Variants in PREX1 observed in about 807,000 individuals in gnomAD.
The protein encoded by PREX1 is phosphatidylinositol 3,4,5-trisphosphate-dependent Rac exchanger 1 protein.
In PREX1, 41 loss-of-function variants were observed where a neutral mutation model predicts 198.3. The observed-to-expected ratio is 0.21, with a 90% confidence interval of 0.16 to 0.27. The LOEUF (loss-of-function observed/expected upper bound fraction) is 0.27. Among genes scored for constraint, PREX1 ranks in the 10% least tolerant of loss-of-function variants. PREX1 has a pLI of 1.00. For missense variants in PREX1, 1,620 were observed against 2,200.7 expected (o/e 0.74, Z 5.28); for synonymous variants, 843 against 887.2 (o/e 0.95, Z 0.89).
intron 1 of PREX1, among the ~76,000 whole-genome samples, chr20:48,792,634 A>C (rs2122976491): frequency 6.6e-6 from 1 of 152,200 alleles, no homozygotes; most frequent in East Asian, 1.9e-4. Context: ...AAACTTGTAC[A>C]CTCATGTGCA....
chr20:48,698,998 T>A (rs192416552), intron 7 of PREX1, among the ~76,000 whole-genome samples: 61 of 152,108 alleles, frequency 4.0e-4, no homozygotes, highest in African/African-American at 1.4e-3. Context: ...AACCAAACAC[T>A]ACTACAAGGA....
Position 48,699,641 on chromosome 20 carries a change from T to C in PREX1, c.917+1112A>G, listed in dbSNP as rs559044316. ...CCAACCACTTACCCATCCATCAACATGCCAACCAATTGGCCATCCATCTAC... is the reference window on the plus strand; with the variant it reads ...CCAACCACTTACCCATCCATCAACACGCCAACCAATTGGCCATCCATCTAC... On this transcript the variant is annotated intron_variant, in intron 7 of 39. Transcript: ENST00000371941. 2.1e-3 allele frequency among the ~76,000 whole-genome samples: 318 copies of C among 152,206 alleles called. 1 individual carries two copies. The highest frequency in any genetic ancestry group is 3.9e-3 in the Admixed American group (60 of 15,278).
At chr20:48,884,985 G>C in the PREX1 span, among the ~76,000 whole-genome samples, 1 of 152,174 alleles carries the variant, frequency 6.6e-6, no homozygotes, top group African/African-American at 2.4e-5. Context: ...CTGACCACCT[G>C]TGTTGGACCC....
chr20:48,775,766 GT>G (rs1362608393), intron 1 of PREX1, among the ~76,000 whole-genome samples: 2 of 152,200 alleles, frequency 1.3e-5, no homozygotes, highest in East Asian at 3.8e-4. Flanking sequence ...CGCCATCCAT[GT>G]AAAATGTGAC....
rs751701013 is a variant in PREX1, at chr20:48,679,331, G to A, written c.1589+29C>T. 4 of 1,598,132 alleles carry A rather than the reference G, an allele frequency of 2.5e-6. No homozygotes were observed. In the South Asian group the frequency reaches 4.4e-5, roughly 18 times the overall value. On this transcript the variant is annotated intron_variant, in intron 13 of 39. Coordinates refer to ENST00000371941, the MANE Select transcript of PREX1 (RefSeq NM_020820.4). ...CACACAGCTGAGAAGAGGTAGAGGTGAAATTGGAGCTTGGAAAGAGTAACT... is the reference window on the plus strand; with the variant it reads ...CACACAGCTGAGAAGAGGTAGAGGTAAAATTGGAGCTTGGAAAGAGTAACT...
intron 14 of PREX1, among the ~76,000 whole-genome samples, chr20:48,672,258 T>G (rs899955874): frequency 3.3e-5 from 5 of 152,226 alleles, no homozygotes; most frequent in Non-Finnish European, 7.3e-5. Context: ...TTTGGAGTCA[T>G]TCTCTGCTCC....
At position 48,684,621 on chromosome 20, in the gene PREX1, A is replaced by G. The variant is rs1409550767; in HGVS notation, c.1335-3286T>C. Among the ~76,000 whole-genome samples, 1 of 152,130 alleles carries G rather than the reference A, an allele frequency of 6.6e-6. No individual in the cohort carries two copies. The highest frequency in any genetic ancestry group is 1.5e-5 in the Non-Finnish European group (1 of 68,008). The stretch of plus-strand genomic sequence containing the variant: ...GCCCCTGCCAGACACGCCGCGTCAT[A>G]CCTGGTAACCCTGAGCTCCGACAGC... On this transcript the variant is annotated intron_variant, in intron 10 of 39. Coordinates refer to ENST00000371941, the MANE Select transcript of PREX1 (RefSeq NM_020820.4). The surrounding 1 kb of genome is among the most constrained non-coding windows in gnomAD (Gnocchi z 4.2).
At chr20:48,862,786 A>ATATAT in the PREX1 span, among the ~76,000 whole-genome samples, 8 of 52,384 alleles carry the variant, frequency 1.5e-4, no homozygotes, top group African/African-American at 8.4e-4. Context: ...AGCCTAAAAA[A>ATATAT]AAAAATATAT....
intron 11 of PREX1, 45 bp from the exon 12 acceptor site, chr20:48,679,799 C>T: frequency 6.8e-7 from 1 of 1,473,802 alleles, no homozygotes; most frequent in Non-Finnish European, 9.5e-7. Flanking sequence ...GCCCCCTCAG[C>T]CCCTCCCAGC....
intron 2 of PREX1, among the ~76,000 whole-genome samples, chr20:48,746,212 A>G (rs2090106986): frequency 6.6e-6 from 1 of 152,086 alleles, no homozygotes; most frequent in Admixed American, 6.5e-5. Flanking sequence ...TAGTAGAGAC[A>G]GGGTTTCACC....
chr20:48,700,645 C>A (rs535331994), intron 7 of PREX1, 108 bp downstream of exon 7: 2 of 1,448,996 alleles, frequency 1.4e-6, no homozygotes, highest in Admixed American at 1.7e-5. Context: ...GTAGAACAAA[C>A]CCCTCAACTC....
chr20:48,798,882 T>C (rs1205669684), intron 1 of PREX1, among the ~76,000 whole-genome samples: 1 of 152,208 alleles, frequency 6.6e-6, no homozygotes, highest in East Asian at 1.9e-4. Context: ...GACTTAAATC[T>C]CTAAATATGA....
intron 13 of PREX1, among the ~76,000 whole-genome samples, 175 bp downstream of exon 13, chr20:48,679,185 G>A (rs1018111332): frequency 1.3e-5 from 2 of 152,176 alleles, no homozygotes; most frequent in African/African-American, 2.4e-5. Context: ...ACACTGCAGT[G>A]CTTCCCACAA....
intron 1 of PREX1, among the ~76,000 whole-genome samples, chr20:48,762,170 T>C (rs1476691862): frequency 6.6e-6 from 1 of 152,248 alleles, no homozygotes; most frequent in Non-Finnish European, 1.5e-5. Flanking sequence ...CTCCAAGCCG[T>C]TCAGAATTTA....
chr20:48,875,154 A>G, the PREX1 span, among the ~76,000 whole-genome samples: 2 of 152,206 alleles, frequency 1.3e-5, no homozygotes, highest in Non-Finnish European at 1.5e-5. Context: ...CCGGTGTGAC[A>G]TGAGTGTGCG....
intron 5 of PREX1, among the ~76,000 whole-genome samples, chr20:48,715,555 C>T (rs1199446887): frequency 6.6e-6 from 1 of 152,154 alleles, no homozygotes; most frequent in Non-Finnish European, 1.5e-5. Context: ...GGCCTCACCT[C>T]TCTAAAGCCA....
the PREX1 span, among the ~76,000 whole-genome samples, chr20:48,838,502 T>A: frequency 5.9e-5 from 9 of 152,142 alleles, no homozygotes; most frequent in African/African-American, 1.9e-4. Flanking sequence ...CACAAGTAAG[T>A]AAATACTTAA....
intron 6 of PREX1, among the ~76,000 whole-genome samples, chr20:48,703,127 G>T (rs759452518): frequency 5.9e-5 from 9 of 152,250 alleles, no homozygotes; most frequent in Non-Finnish European, 1.0e-4. Context: ...GGTTCCGGCA[G>T]CTGAGAAGCC....
At chr20:48,736,745 G>T (rs539552663) in intron 3 of PREX1, among the ~76,000 whole-genome samples, 3 of 152,194 alleles carry the variant, frequency 2.0e-5, no homozygotes, top group Non-Finnish European at 4.4e-5. Flanking sequence ...GAGGAAGAAA[G>T]AGTACAACTA....
Sources: allele counts gnomAD v4.1 joint callset (sites outside exome capture counted in the v4.1 genomes callset), GRCh38; gene constraint gnomAD v4.1.1; non-coding constraint Gnocchi (gnomAD v3.1); transcripts MANE v1.5; gene names NCBI Gene and HGNC (gene_info 2026-07-23, HGNC 2026-07-21).